RCC1L: variants seen among roughly 807,000 people sequenced by gnomAD.
The protein encoded by RCC1L is RCC1-like G exchanging factor-like protein.
Under a neutral mutation model 58.6 loss-of-function variants are expected in RCC1L, and 46 were observed. The observed-to-expected ratio is 0.79, with a 90% CI of 0.62 to 1.00. The LOEUF (loss-of-function observed/expected upper bound fraction) is 1.00, where lower values mean the gene tolerates loss of function less well. Among genes scored for constraint, RCC1L ranks in the 50% least tolerant of loss-of-function variants. The pLI, the probability that RCC1L is intolerant of heterozygous loss-of-function variation, is 0.00. For synonymous variants in RCC1L, 281 were observed against 262.9 expected (o/e 1.07, Z -0.67); for missense variants, 636 against 623.6 (o/e 1.02, Z -0.21).
intron 4 of RCC1L, among the ~76,000 whole-genome samples, 156 bp downstream of exon 4, chr7:75,064,426 T>C (rs912838028): frequency 6.6e-6 from 1 of 151,922 alleles, no homozygotes; most frequent in African/African-American, 2.4e-5. Flanking sequence ...GCGCTCAACC[T>C]GAAACAGACA....
At position 75,073,764 on chromosome 7, in the gene RCC1L, T is replaced by C; in HGVS notation, c.-27A>G. On this transcript the variant is annotated 5_prime_UTR_variant, in exon 1 of 11. Coordinates refer to ENST00000610322, the MANE Select transcript of RCC1L (RefSeq NM_030798.5). Reference sequence around the variant, plus strand: ...CTCCGTTCCGCGCCTCAGCAGCCTCTGGGCGCCGCCATCTTGCGTGACCCT... The same window carrying C: ...CTCCGTTCCGCGCCTCAGCAGCCTCCGGGCGCCGCCATCTTGCGTGACCCT... 1.3e-6 allele frequency: 2 copies of C among 1,493,946 alleles called. No homozygotes were observed. Among genetic ancestry groups the C allele is most frequent in the South Asian group, 2.5e-5 (2 of 78,568 alleles). 92.5% of individuals were successfully genotyped at this position (1,493,946 alleles called of 1,614,324 possible).
chr7:75,056,795 A>C (rs1395197927), intron 8 of RCC1L: 2 of 1,379,152 alleles, frequency 1.5e-6, no homozygotes, highest in Non-Finnish European at 2.0e-6. Context: ...CCATCTTCTA[A>C]TCCAATGCCA....
At chr7:75,051,231 T>C (rs1805896990) in intron 10 of RCC1L, among the ~76,000 whole-genome samples, 1 of 147,858 alleles carries the variant, frequency 6.8e-6, no homozygotes, top group South Asian at 2.1e-4. Context: ...AAATGTATTA[T>C]ATATGTATAT....
At chr7:75,072,946 A>C (rs918467064) in intron 1 of RCC1L, among the ~76,000 whole-genome samples, 1 of 152,224 alleles carries the variant, frequency 6.6e-6, no homozygotes, top group Non-Finnish European at 1.5e-5. Flanking sequence ...TCTCTAAAAA[A>C]TAAATTAAAA....
intron 2 of RCC1L, 39 bp downstream of exon 2, chr7:75,070,601 C>A (rs201137957): frequency 4.7e-5 from 75 of 1,608,906 alleles, no homozygotes; most frequent in Middle Eastern, 1.7e-4. Context: ...CTTTCTCAGA[C>A]CAATCCCGGC....
chr7:75,040,580 C>G (rs1033205419), downstream of RCC1L, among the ~76,000 whole-genome samples: 3 of 152,072 alleles, frequency 2.0e-5, no homozygotes, highest in Non-Finnish European at 4.4e-5. Flanking sequence ...CCTGCCATCC[C>G]GAACCCCGCC....
chr7:75,066,570 C>T, intron 3 of RCC1L, 94 bp downstream of exon 3: 1 of 1,553,812 alleles, frequency 6.4e-7, no homozygotes, highest in South Asian at 1.2e-5. Context: ...AGATGTGGCT[C>T]AATCGATCAA....
intron 10 of RCC1L, among the ~76,000 whole-genome samples, chr7:75,030,372 T>C (rs1805268020): frequency 6.6e-6 from 1 of 152,078 alleles, no homozygotes; most frequent in South Asian, 2.1e-4. Flanking sequence ...CAGAAATGAT[T>C]AGGTGAGTGA....
chr7:75,028,034 AGAG>A, exon 11 of RCC1L: 12 of 1,534,544 alleles, frequency 7.8e-6, no homozygotes, highest in Non-Finnish European at 1.0e-5. Context: ...GGAGGTAATC[AGAG>A]GAGTGGGCCT....
rs1048294420 is a variant in RCC1L at position 75,063,434 on chromosome 7, G to A, written c.651-91C>T. The A allele has an allele frequency of 2.5e-5, 32 of 1,303,868 alleles. 1 individual carries two copies. The Middle Eastern group carries it at 5.5e-4, about 23-fold the overall frequency. The allele number at this position is 1,303,868 out of a possible 1,614,324, so 80.8% of individuals were successfully genotyped here. A position where few individuals can be genotyped will look rare whatever the true frequency, so the allele number is the denominator to read the frequency against. On this transcript the variant is annotated intron_variant, in intron 4 of 10. Coordinates refer to ENST00000610322, the MANE Select transcript of RCC1L (RefSeq NM_030798.5). ...TCCCTGTCACCCCAACTGATGGCCC[G>A]TCCCCTCCGCTCACACAGTAACTGT...
intron 2 of RCC1L, 110 bp downstream of exon 2, chr7:75,070,530 C>A: frequency 6.9e-7 from 1 of 1,447,392 alleles, no homozygotes; most frequent in East Asian, 2.5e-5. Flanking sequence ...AGGATCTCGC[C>A]ACTGCACTCT....
At chr7:75,027,997 T>C (rs1805185524) in exon 11 of RCC1L, 2 of 1,533,420 alleles carry the variant, frequency 1.3e-6, no homozygotes, top group Non-Finnish European at 1.7e-6. Flanking sequence ...TGCATGGAAC[T>C]CCTTACCTGT....
chr7:75,038,125 C>T (rs1027573049), downstream of RCC1L, among the ~76,000 whole-genome samples: 26 of 152,174 alleles, frequency 1.7e-4, no homozygotes, highest in African/African-American at 5.8e-4. Context: ...CTGCCTGGGG[C>T]GGGGCTGGGC....
intron 10 of RCC1L, among the ~76,000 whole-genome samples, chr7:75,048,122 C>T (rs1206000162): frequency 6.6e-6 from 1 of 151,412 alleles, no homozygotes; most frequent in Non-Finnish European, 1.5e-5. Context: ...CAAAAATTAG[C>T]CAGGCATGGT....
chr7:75,071,893 C>T (rs1230822851), intron 1 of RCC1L, among the ~76,000 whole-genome samples: 1 of 151,098 alleles, frequency 6.6e-6, no homozygotes, highest in Admixed American at 6.7e-5. Flanking sequence ...GGAATAGTAC[C>T]CATCTCAAGG....
At chr7:75,034,880 C>T (rs1805403278) in intron 10 of RCC1L, among the ~76,000 whole-genome samples, 1 of 152,044 alleles carries the variant, frequency 6.6e-6, no homozygotes, top group Non-Finnish European at 1.5e-5. Flanking sequence ...CCTTGAACTC[C>T]TGAGCTCAAG....
intron 10 of RCC1L, among the ~76,000 whole-genome samples, chr7:75,047,321 C>T (rs1805754844): frequency 6.6e-6 from 1 of 152,162 alleles, no homozygotes; most frequent in Admixed American, 6.5e-5. Context: ...GGCTGGAGCG[C>T]AGTGGTGTGA....
Position 75,042,823 on chromosome 7 carries a change from T to A in RCC1L, c.*209A>T. On this transcript the variant is annotated 3_prime_UTR_variant, in exon 11 of 11. Coordinates refer to ENST00000610322, the MANE Select transcript of RCC1L (RefSeq NM_030798.5). ...CCAAAGGCTGCCATCCAAGCTGAGT[T>A]CCGCAGGCCTCACCTGCAGCTGGAG... 1.4e-6 allele frequency: 2 copies of A among 1,441,520 alleles called. No homozygotes were observed. The highest frequency in any genetic ancestry group is 1.8e-6 in the Non-Finnish European group (2 of 1,093,776). The allele number at this position is 1,441,520 out of a possible 1,614,324, so 89.3% of individuals were successfully genotyped here. A position where few individuals can be genotyped will look rare whatever the true frequency, so the allele number is the denominator to read the frequency against.
intron 10 of RCC1L, among the ~76,000 whole-genome samples, chr7:75,046,622 C>T (rs942337633): frequency 1.3e-5 from 2 of 152,228 alleles, no homozygotes; most frequent in Non-Finnish European, 2.9e-5. Context: ...CAAGAGGAGA[C>T]TGCCCTCAGC....
Sources: allele counts gnomAD v4.1 joint callset (sites outside exome capture counted in the v4.1 genomes callset), GRCh38; gene constraint gnomAD v4.1.1; transcripts MANE v1.5; gene names NCBI Gene and HGNC (gene_info 2026-07-23, HGNC 2026-07-21).